ITPRID1: variants seen among roughly 807,000 people sequenced by gnomAD.
The protein encoded by ITPRID1 is ITPR interacting domain containing 1, also known as protein ITPRID1.
In ITPRID1, 96 loss-of-function variants were observed where a neutral mutation model predicts 95.4. That is an observed-to-expected ratio of 1.01 (90% CI 0.85 to 1.19). The LOEUF is 1.19. Among genes scored for constraint, ITPRID1 ranks in the 50% most tolerant of loss-of-function variants. The pLI, the probability that ITPRID1 is intolerant of heterozygous loss-of-function variation, is 0.00. For synonymous variants in ITPRID1, 510 were observed against 453.6 expected (o/e 1.12, Z -1.58); for missense variants, 1,339 against 1,252.9 (o/e 1.07, Z -1.04).
chr7:31,636,838 A>G (rs1225301759), intron 10 of ITPRID1, among the ~76,000 whole-genome samples: 2 of 150,212 alleles, frequency 1.3e-5, no homozygotes, highest in African/African-American at 4.9e-5. Flanking sequence ...TTAACTCATC[A>G]TTCAGCATTA....
Position 31,652,714 on chromosome 7 carries a change from C to T in ITPRID1, c.3020C>T (p.Pro1007Leu), listed in dbSNP as rs1322606694. The change falls in exon 15 of 15, where the codon CCC (proline) becomes CTC (leucine). Residue 1007 changes from proline to leucine, a missense_variant. By Grantham distance (98) the Pro-to-Leu change is moderately conservative (BLOSUM62 -3). Transcript: ENST00000615280. ...GGTQLAAFTP[P>L]TLENSTRMSP... ...ACCCAGTTGGCTGCCTTCACTCCAC[C>T]CACCTTGGAGAACAGCACCAGGATG... 1.2e-6 allele frequency: 2 copies of T among 1,613,828 alleles called. No homozygotes were observed. The highest frequency in any genetic ancestry group is 3.3e-5 in the Admixed American group (2 of 59,984).
rs772204339 is a variant in ITPRID1, at chr7:31,643,167, A to T, written c.1797A>T (p.Ser599=). ...GCCACCACAATGAGTCTCAAAGGTCACCTGGAAATGATCATACTCAAGACA... is the reference window on the plus strand; with the variant it reads ...GCCACCACAATGAGTCTCAAAGGTCTCCTGGAAATGATCATACTCAAGACA... ...VQSHHNESQR[S]PGNDHTQDKF... Residue 599 remains serine (S), a synonymous_variant, in exon 12 of 15, where the codon TCA becomes TCT. Transcript: ENST00000615280. The T allele has an allele frequency of 1.2e-6, 2 of 1,613,880 alleles. No individual in the cohort carries two copies. Among genetic ancestry groups the T allele is most frequent in the Non-Finnish European group, 1.7e-6 (2 of 1,179,910 alleles).
At chr7:31,599,641 CTT>C (rs543204170) in intron 10 of ITPRID1, among the ~76,000 whole-genome samples, 11 of 54,750 alleles carry the variant, frequency 2.0e-4, no homozygotes, top group African/African-American at 6.2e-4. Flanking sequence ...TTCTTTCTTT[CTT>C]TCTTTTTCTT....
intron 1 of ITPRID1, among the ~76,000 whole-genome samples, chr7:31,548,514 T>C (rs905868097): frequency 6.6e-6 from 1 of 152,042 alleles, no homozygotes; most frequent in Non-Finnish European, 1.5e-5. Context: ...AGAAAGAAGA[T>C]GAAGGGACAT....
chr7:31,544,645 A>G (rs544209975), intron 1 of ITPRID1, among the ~76,000 whole-genome samples: 26 of 152,294 alleles, frequency 1.7e-4, no homozygotes, highest in Admixed American at 5.2e-4. Context: ...ATTCTGCCTC[A>G]TAACATAGTT....
At chr7:31,545,886 G>A (rs957727973) in intron 1 of ITPRID1, among the ~76,000 whole-genome samples, 1 of 152,110 alleles carries the variant, frequency 6.6e-6, no homozygotes, top group African/African-American at 2.4e-5. Context: ...ACTTGGATAG[G>A]GAGGGAGAGC....
rs779424437 is a variant in ITPRID1, at chr7:31,553,110, G to T, written c.86G>T (p.Ser29Ile). 6.2e-7 allele frequency: 1 copy of T among 1,602,700 alleles called. No individual in the cohort carries two copies. Among genetic ancestry groups the T allele is most frequent in the Admixed American group, 1.7e-5 (1 of 58,662 alleles). Residue 29 changes from serine to isoleucine, a missense_variant, in exon 3 of 15, where the codon AGC (serine) becomes ATC (isoleucine). Physicochemically the swap from Ser to Ile is moderately radical, Grantham distance 142 (BLOSUM62 -2). Transcript: ENST00000615280. Reference sequence around the variant, plus strand: ...AGAGAGATCCTGAAGTGCACCAAAAGCGCGTGGGCTCCGCTGGATGAGTGG... The same window carrying T: ...AGAGAGATCCTGAAGTGCACCAAAATCGCGTGGGCTCCGCTGGATGAGTGG... The part of the protein sequence containing the change: ...SKREILKCTK[S>I]AWAPLDEWLP...
At chr7:31,622,743 G>A (rs867738331) in intron 10 of ITPRID1, among the ~76,000 whole-genome samples, 1 of 151,992 alleles carries the variant, frequency 6.6e-6, no homozygotes, top group African/African-American at 2.4e-5. Flanking sequence ...CAGAAGGCAA[G>A]AAATAACTAA....
chr7:31,607,326 G>A (rs989025199), intron 10 of ITPRID1, among the ~76,000 whole-genome samples: 4 of 152,028 alleles, frequency 2.6e-5, no homozygotes, highest in South Asian at 4.1e-4. Flanking sequence ...TGATGCTTTC[G>A]CTTTGATGCC....
intron 10 of ITPRID1, among the ~76,000 whole-genome samples, chr7:31,598,590 G>A (rs1040870257): frequency 4.7e-4 from 71 of 151,366 alleles, no homozygotes; most frequent in South Asian, 6.3e-4. Context: ...TTTTTAGTAG[G>A]GACGGGGTTT....
Position 31,655,302 on chromosome 7 carries a change from C to G in ITPRID1, c.*2473C>G, listed in dbSNP as rs940558984. Among the ~76,000 whole-genome samples, 2 of 152,182 alleles carry G rather than the reference C, an allele frequency of 1.3e-5. No individual in the cohort carries two copies. The highest frequency in any genetic ancestry group is 2.9e-5 in the Non-Finnish European group (2 of 68,036). ...CTCCTGCCCCTCTACCCTGCCCCCT[C>G]AGTCAGTCAATGACCACACCAATGC... On this transcript the variant is annotated 3_prime_UTR_variant, in exon 15 of 15. Coordinates refer to ENST00000615280, the MANE Select transcript of ITPRID1 (RefSeq NM_001257967.3).
rs533619953 is a variant in ITPRID1 at position 31,549,616 on chromosome 7, C to G, written c.-24+117C>G. 5.9e-6 allele frequency: 4 copies of G among 678,330 alleles called. No individual in the cohort carries two copies. The South Asian group carries it at 1.2e-4, about 20-fold the overall frequency. The allele number at this position is 678,330 out of a possible 1,614,324, so 42.0% of individuals were successfully genotyped here. On this transcript the variant is annotated intron_variant, in intron 2 of 14. Coordinates refer to ENST00000615280, the MANE Select transcript of ITPRID1 (RefSeq NM_001257967.3). ...TATCAGAAAAGTTTGAAAATTTCCCCAAGATGTCAGAAAGCAGCAGAGCTG... is the reference window on the plus strand; with the variant it reads ...TATCAGAAAAGTTTGAAAATTTCCCGAAGATGTCAGAAAGCAGCAGAGCTG...
chr7:31,574,814 G>A lies in ITPRID1; in HGVS notation c.598+72G>A, dbSNP rs1387049489. ...TGGGCAGGTGGGCCACAGTGTAGGCGAGGAGATTGTGTGAAGTAGCATGCA... is the reference window on the plus strand; with the variant it reads ...TGGGCAGGTGGGCCACAGTGTAGGCAAGGAGATTGTGTGAAGTAGCATGCA... On this transcript the variant is annotated intron_variant, in intron 8 of 14. Transcript: ENST00000615280. 10 of 1,362,114 alleles carry A rather than the reference G, an allele frequency of 7.3e-6. No individual in the cohort carries two copies. In the East Asian group the frequency reaches 9.4e-5, roughly 13 times the overall value. The allele number at this position is 1,362,114 out of a possible 1,614,324, so 84.4% of individuals were successfully genotyped here.
At chr7:31,571,828 C>A (rs1223850105) in intron 6 of ITPRID1, among the ~76,000 whole-genome samples, 5 of 152,120 alleles carry the variant, frequency 3.3e-5, no homozygotes. Flanking sequence ...AATGATATGC[C>A]ATCTGTCAAA....
chr7:31,568,806 A>C lies in ITPRID1; in HGVS notation c.257-952A>C, dbSNP rs540607570. 3.6e-3 allele frequency among the ~76,000 whole-genome samples: 540 copies of C among 151,836 alleles called. 1 individual carries two copies. Among genetic ancestry groups the C allele is most frequent in the African/African-American group, 0.012 (507 of 41,418 alleles). On this transcript the variant is annotated intron_variant, in intron 5 of 14. Transcript: ENST00000615280. ...TTCATGTCCTAACACATACATATAC[A>C]CTCCTCTTTCTGTCTTTCAAATAAG...
chr7:31,515,313 A>T (rs1783010410), intron 1 of ITPRID1, among the ~76,000 whole-genome samples: 1 of 152,088 alleles, frequency 6.6e-6, no homozygotes, highest in Non-Finnish European at 1.5e-5. Context: ...AACAGAGAGA[A>T]ACAAGTTGTG....
At chr7:31,529,263 T>C (rs546663432) in intron 1 of ITPRID1, among the ~76,000 whole-genome samples, 1 of 152,330 alleles carries the variant, frequency 6.6e-6, no homozygotes, top group South Asian at 2.1e-4. Context: ...TCATTTCCAG[T>C]GATGGTTTGC....
chr7:31,521,915 T>TAA (rs1443107208), intron 1 of ITPRID1, among the ~76,000 whole-genome samples: 7 of 149,620 alleles, frequency 4.7e-5, no homozygotes, highest in African/African-American at 1.7e-4. Context: ...TTTTTTTTTT[T>TAA]TTTTTTTTTT....
At chr7:31,522,835 C>T (rs1488072745) in intron 1 of ITPRID1, among the ~76,000 whole-genome samples, 2 of 152,110 alleles carry the variant, frequency 1.3e-5, no homozygotes, top group Non-Finnish European at 2.9e-5. Flanking sequence ...TGTTCGTTAA[C>T]TTAAAGGTAT....
Sources: allele counts gnomAD v4.1 joint callset (sites outside exome capture counted in the v4.1 genomes callset), GRCh38; gene constraint gnomAD v4.1.1; transcripts MANE v1.5; gene names NCBI Gene and HGNC (gene_info 2026-07-23, HGNC 2026-07-21).